Variants in NALCN observed in about 807,000 individuals in gnomAD.
NALCN encodes sodium leak channel NALCN.
In NALCN, 111 loss-of-function variants were observed where a neutral mutation model predicts 225.3. The observed-to-expected ratio is 0.49, with a 90% CI of 0.42 to 0.58. The LOEUF (loss-of-function observed/expected upper bound fraction) is 0.58. Ranked by LOEUF, NALCN falls within the 20% of genes least tolerant of loss-of-function variation. The pLI is 0.00. For missense variants in NALCN, 1,378 were observed against 2,202.4 expected (o/e 0.63, Z 7.49); for synonymous variants, 764 against 769.0 (o/e 0.99, Z 0.11).
chr13:101,355,119 G>A (rs2046015405), intron 6 of NALCN, among the ~76,000 whole-genome samples: 1 of 152,164 alleles, frequency 6.6e-6, no homozygotes, highest in African/African-American at 2.4e-5. Context: ...CTCCCCGTCT[G>A]CCTTCTGCCA....
In NALCN at chr13:101,069,478, G is replaced by C. The variant is rs74348308; in HGVS notation, c.4198-651C>G. 9.0e-3 allele frequency among the ~76,000 whole-genome samples: 1,375 copies of C among 152,306 alleles called. 30 individuals carry two copies. Among genetic ancestry groups the C allele is most frequent in the East Asian group, 0.089 (459 of 5,180 alleles). ...TTCAGTGAGTTGTAATCTTCTGCTG[G>C]TGGTGGAGGGTCTTGCCTCAATGTT... On this transcript the variant is annotated intron_variant, in intron 37 of 43. Transcript: ENST00000251127.
chr13:101,321,679 A>G (rs1318610340), intron 7 of NALCN, among the ~76,000 whole-genome samples: 1 of 152,176 alleles, frequency 6.6e-6, no homozygotes, highest in African/African-American at 2.4e-5. Context: ...ACCAAATAAA[A>G]TACGTGATAG....
chr13:101,249,226 C>T (rs2041990664), intron 11 of NALCN, among the ~76,000 whole-genome samples: 1 of 152,128 alleles, frequency 6.6e-6, no homozygotes, highest in Non-Finnish European at 1.5e-5. Flanking sequence ...ATTAATGACT[C>T]TATAAATAGC....
intron 6 of NALCN, among the ~76,000 whole-genome samples, chr13:101,362,848 C>A (rs1411973489): frequency 6.6e-6 from 1 of 152,038 alleles, no homozygotes; most frequent in African/African-American, 2.4e-5. Context: ...ATCCTAAAGA[C>A]TCCACCAAAA....
chr13:101,108,470 A>G (rs2035260305), intron 20 of NALCN, among the ~76,000 whole-genome samples: 1 of 152,212 alleles, frequency 6.6e-6, no homozygotes, highest in Non-Finnish European at 1.5e-5. Context: ...AAAAAATCAC[A>G]ATGGGTGAAA....
intron 36 of NALCN, 114 bp from the exon 37 acceptor site, chr13:101,073,791 G>A: frequency 1.2e-6 from 1 of 836,188 alleles, no homozygotes; most frequent in Middle Eastern, 2.9e-4. Flanking sequence ...TGGTTGCTAA[G>A]TCACCTTTTC....
intron 6 of NALCN, chr13:101,368,552 A>G (rs969313628): frequency 1.1e-4 from 16 of 152,322 alleles, no homozygotes; most frequent in African/African-American, 3.8e-4. Flanking sequence ...TTTCAAATCA[A>G]TTAACATTTT....
chr13:101,304,595 G>A (rs967640607), intron 7 of NALCN, among the ~76,000 whole-genome samples: 1 of 151,902 alleles, frequency 6.6e-6, no homozygotes, highest in South Asian at 2.1e-4. Flanking sequence ...TCACTACCAC[G>A]CCTGGTTAAT....
At chr13:101,284,878 G>A (rs188411846) in intron 9 of NALCN, among the ~76,000 whole-genome samples, 173 of 152,148 alleles carry the variant, frequency 1.1e-3, no homozygotes, top group Middle Eastern at 0.01. Flanking sequence ...CCACTTTCAC[G>A]TATTTTCCCA....
chr13:101,128,786 T>C (rs539845637), intron 17 of NALCN, among the ~76,000 whole-genome samples: 1 of 152,108 alleles, frequency 6.6e-6, no homozygotes, highest in East Asian at 1.9e-4. Context: ...GGTCTTGAAA[T>C]GCCTGGGCTC....
intron 15 of NALCN, among the ~76,000 whole-genome samples, chr13:101,153,630 C>G (rs1434219495): frequency 1.3e-5 from 2 of 152,074 alleles, no homozygotes; most frequent in Non-Finnish European, 2.9e-5. Context: ...TCTCAGGTGT[C>G]CCCCCCTGCC....
intron 15 of NALCN, among the ~76,000 whole-genome samples, chr13:101,166,063 G>C (rs189121620): frequency 6.6e-6 from 1 of 152,168 alleles, no homozygotes; most frequent in African/African-American, 2.4e-5. Flanking sequence ...TCCATGTGTA[G>C]CATGTGTCAG....
chr13:101,338,307 G>A (rs984497051), intron 7 of NALCN, among the ~76,000 whole-genome samples: 1 of 152,116 alleles, frequency 6.6e-6, no homozygotes, highest in Non-Finnish European at 1.5e-5. Context: ...GCTATAAGCT[G>A]TTTCAGTTGA....
rs185789075 is a variant in NALCN at position 101,345,150 on chromosome 13, T to C, written c.799+116A>G. The C allele has an allele frequency of 2.3e-3, 2,415 of 1,069,006 alleles. 3 individuals carry two copies. The highest frequency in any genetic ancestry group is 2.9e-3 in the Non-Finnish European group (2,185 of 758,556). The allele number at this position is 1,069,006 out of a possible 1,614,324, so 66.2% of individuals were successfully genotyped here. A position where few individuals can be genotyped will look rare whatever the true frequency, so the allele number is the denominator to read the frequency against. ...GGCATAGAATTAAAATTTATATTTGTATTTCTTCTATACTACAGCCAGTCA... is the reference window on the plus strand; with the variant it reads ...GGCATAGAATTAAAATTTATATTTGCATTTCTTCTATACTACAGCCAGTCA... On this transcript the variant is annotated intron_variant, in intron 7 of 43. Coordinates refer to ENST00000251127, the MANE Select transcript of NALCN (RefSeq NM_052867.4).
chr13:101,173,204 C>G (rs543516982), intron 15 of NALCN, among the ~76,000 whole-genome samples: 17 of 152,338 alleles, frequency 1.1e-4, no homozygotes, highest in South Asian at 8.3e-4. Context: ...CACCGCTATT[C>G]TCAGAAACTG....
intron 25 of NALCN, 66 bp from the exon 26 acceptor site, chr13:101,103,405 A>G (rs1160871920): frequency 6.6e-7 from 1 of 1,520,204 alleles, no homozygotes; most frequent in Middle Eastern, 1.8e-4. Context: ...ATTTTCTGAC[A>G]GCCGACTGGC....
chr13:101,245,668 G>A (rs1243828559), intron 11 of NALCN, among the ~76,000 whole-genome samples: 1 of 152,062 alleles, frequency 6.6e-6, no homozygotes, highest in Non-Finnish European at 1.5e-5. Flanking sequence ...GCCATAATGA[G>A]GCAGGAGAAT....
intron 1 of NALCN, among the ~76,000 whole-genome samples, chr13:101,407,978 G>C (rs145579938): frequency 6.6e-6 from 1 of 152,188 alleles, no homozygotes; most frequent in Admixed American, 6.5e-5. Context: ...CCTCAATGAG[G>C]TAAGTGTCTC....
At chr13:101,275,293 T>G (rs2042934475) in intron 10 of NALCN, among the ~76,000 whole-genome samples, 1 of 152,086 alleles carries the variant, frequency 6.6e-6, no homozygotes. Flanking sequence ...ATAAAGCCAG[T>G]GTTCAAGGTG....
Sources: gnomAD v4.1 joint callset for allele counts (sites outside exome capture counted in the v4.1 genomes callset) on GRCh38, gnomAD v4.1.1 for gene constraint, MANE v1.5 for transcripts, NCBI Gene and HGNC (gene_info 2026-07-23, HGNC 2026-07-21) for gene names.